Variants in RGS7 observed in about 807,000 individuals in gnomAD.
The protein encoded by RGS7 is regulator of G protein signaling 7.
RGS7 carries 27 observed loss-of-function variants against 81.1 expected under a neutral mutation model. The observed-to-expected ratio is 0.33, with a 90% CI of 0.25 to 0.46. The LOEUF is 0.46. Ranked by LOEUF, RGS7 falls within the 20% of genes least tolerant of loss-of-function variation. RGS7 has a pLI of 1.00. For synonymous variants in RGS7, 208 were observed against 207.7 expected (o/e 1.00, Z -0.01); for missense variants, 396 against 607.4 (o/e 0.65, Z 3.66).
chr1:240,853,187 G>C (rs561873269), intron 9 of RGS7, among the ~76,000 whole-genome samples: 1 of 152,160 alleles, frequency 6.6e-6, no homozygotes, highest in East Asian at 1.9e-4. Context: ...TATTTCCCAG[G>C]GAAAATATTG....
chr1:241,052,251 T>C (rs1240967218), intron 3 of RGS7, among the ~76,000 whole-genome samples: 1 of 152,076 alleles, frequency 6.6e-6, no homozygotes, highest in Admixed American at 6.6e-5. Flanking sequence ...AGTGAAGTGC[T>C]ATGGTAGAAG....
chr1:240,827,239 G>T, intron 9 of RGS7, 67 bp from the exon 10 acceptor site: 1 of 1,262,458 alleles, frequency 7.9e-7, no homozygotes, highest in African/African-American at 1.5e-5. Context: ...GGACAATCAT[G>T]AATGGCTCGC....
At chr1:240,942,493 C>T (rs1677759546) in intron 4 of RGS7, among the ~76,000 whole-genome samples, 1 of 152,098 alleles carries the variant, frequency 6.6e-6, no homozygotes. Context: ...TCACTGAATC[C>T]TGTATTTTTA....
intron 3 of RGS7, among the ~76,000 whole-genome samples, chr1:241,022,241 C>T (rs2059576050): frequency 6.6e-6 from 1 of 152,192 alleles, no homozygotes; most frequent in South Asian, 2.1e-4. Flanking sequence ...TCTGACCTAA[C>T]CAACTTGGTC....
intron 9 of RGS7, among the ~76,000 whole-genome samples, chr1:240,865,673 A>G (rs1663102995): frequency 6.6e-6 from 1 of 152,246 alleles, no homozygotes. Context: ...GTCTAAATAT[A>G]TTAGGATTGA....
chr1:240,942,998 A>T (rs577953876), intron 4 of RGS7, among the ~76,000 whole-genome samples: 1 of 152,200 alleles, frequency 6.6e-6, no homozygotes, highest in Non-Finnish European at 1.5e-5. Context: ...CTCAGCTTTC[A>T]TCTTTTTAAA....
Position 241,296,430 on chromosome 1 carries a change from A to G in RGS7, c.78+59269T>C, listed in dbSNP as rs565190128. ...CAAGTCGCTACTGGAAATAGTGATTAGGCGCTCAAGTGACATAAAAAAATT... is the reference window on the plus strand; with the variant it reads ...CAAGTCGCTACTGGAAATAGTGATTGGGCGCTCAAGTGACATAAAAAAATT... On this transcript the variant is annotated intron_variant, in intron 2 of 18. Transcript: ENST00000440928. Among the ~76,000 whole-genome samples the G allele has an allele frequency of 9.8e-5, 15 of 152,348 alleles. No homozygotes were observed. In the South Asian group the frequency reaches 3.1e-3, roughly 32 times the overall value.
At chr1:241,227,028 C>G (rs983569345) in intron 2 of RGS7, among the ~76,000 whole-genome samples, 3 of 152,146 alleles carry the variant, frequency 2.0e-5, no homozygotes, top group Non-Finnish European at 4.4e-5. Flanking sequence ...CACTTGGGAT[C>G]TGAAGCAGCA....
chr1:241,176,868 T>C (rs894641319), intron 2 of RGS7, among the ~76,000 whole-genome samples: 1 of 152,126 alleles, frequency 6.6e-6, no homozygotes, highest in South Asian at 2.1e-4. Context: ...AGGTTGGACG[T>C]GAGGCACTCT....
chr1:241,116,428 C>T (rs917355798), intron 2 of RGS7, among the ~76,000 whole-genome samples: 1 of 152,036 alleles, frequency 6.6e-6, no homozygotes, highest in Non-Finnish European at 1.5e-5. Flanking sequence ...GTGAATTTCC[C>T]ATGCATAAAG....
chr1:240,849,497 G>C (rs1659698841), intron 9 of RGS7, among the ~76,000 whole-genome samples: 1 of 152,272 alleles, frequency 6.6e-6, no homozygotes, highest in African/African-American at 2.4e-5. Context: ...AACTGATATG[G>C]TTTAGATATT....
intron 3 of RGS7, among the ~76,000 whole-genome samples, chr1:241,004,143 A>G (rs1431703715): frequency 6.6e-6 from 1 of 152,216 alleles, no homozygotes; most frequent in African/African-American, 2.4e-5. Flanking sequence ...TGTATAGAGG[A>G]GAAAGTTAAA....
In RGS7 at chr1:240,921,580, G is replaced by T. The variant is rs149493586; in HGVS notation, c.385+9137C>A. Among the ~76,000 whole-genome samples, 704 of 152,186 alleles carry T rather than the reference G, an allele frequency of 4.6e-3. 8 individuals carry two copies. Among genetic ancestry groups the T allele is most frequent in the African/African-American group, 0.016 (665 of 41,542 alleles). On this transcript the variant is annotated intron_variant, in intron 6 of 18. Coordinates refer to ENST00000440928, the MANE Select transcript of RGS7 (RefSeq NM_001364886.1). The stretch of plus-strand genomic sequence containing the variant: ...AGAACTAAGTGATCATAGCAAAGTT[G>T]CAGGGTACAAAAAAAGTCAGCGGTT...
At chr1:241,162,222 G>GCGCCCCCCCCCCCCCCGCCCC (rs68166816) in intron 2 of RGS7, among the ~76,000 whole-genome samples, 1 of 142,028 alleles carries the variant, frequency 7.0e-6, no homozygotes, top group Non-Finnish European at 1.6e-5. Context: ...CTGGTGATCA[G>GCGCCCCCCCCCCCCCCGCCCC]CTTCCAAATA....
chr1:240,819,494 A>T (rs1321706351), intron 10 of RGS7, among the ~76,000 whole-genome samples: 1 of 152,204 alleles, frequency 6.6e-6, no homozygotes, highest in Non-Finnish European at 1.5e-5. Flanking sequence ...TAATCCCAGT[A>T]CTTTGGGAGG....
intron 2 of RGS7, among the ~76,000 whole-genome samples, chr1:241,183,371 G>C (rs923880795): frequency 6.6e-6 from 1 of 152,172 alleles, no homozygotes; most frequent in Non-Finnish European, 1.5e-5. Context: ...TGCTCCATCT[G>C]AATAGGCAGG....
chr1:240,932,295 A>G (rs967045000), intron 5 of RGS7, among the ~76,000 whole-genome samples: 4 of 152,150 alleles, frequency 2.6e-5, no homozygotes, highest in Non-Finnish European at 1.5e-5. Flanking sequence ...GAACAAAATC[A>G]TCGTAGGAAT....
chr1:241,257,860 G>A (rs2077125071), intron 2 of RGS7, among the ~76,000 whole-genome samples: 1 of 152,126 alleles, frequency 6.6e-6, no homozygotes, highest in Admixed American at 6.6e-5. Flanking sequence ...CACTCTACAA[G>A]ACCAAACACG....
At chr1:241,298,893 A>G (rs1320690083) in intron 2 of RGS7, among the ~76,000 whole-genome samples, 1 of 152,188 alleles carries the variant, frequency 6.6e-6, no homozygotes, top group East Asian at 1.9e-4. Flanking sequence ...CAGTATTTTG[A>G]CTATCTCAAG....
Sources: allele counts gnomAD v4.1 joint callset (sites outside exome capture counted in the v4.1 genomes callset), GRCh38; gene constraint gnomAD v4.1.1; transcripts MANE v1.5; gene names NCBI Gene and HGNC (gene_info 2026-07-23, HGNC 2026-07-21).